The following MYG1 variants were observed in gnomAD, a reference collection of about 807,000 sequenced individuals.
The protein encoded by MYG1 is UPF0160 protein MYG1, mitochondrial.
In MYG1, 36 loss-of-function variants were observed where a neutral mutation model predicts 43.5. The ratio of observed to expected loss-of-function variants is 0.83; its 90% CI spans 0.63 to 1.09. The LOEUF (loss-of-function observed/expected upper bound fraction) is 1.09, where lower values mean the gene tolerates loss of function less well. Among genes scored for constraint, MYG1 ranks in the 50% least tolerant of loss-of-function variants. The probability of loss-of-function intolerance (pLI) is 0.00; values close to 1 mark genes in which losing one functional copy is unlikely to be tolerated. For missense variants in MYG1, 529 were observed against 495.1 expected (o/e 1.07, Z -0.65); for synonymous variants, 220 against 202.8 (o/e 1.08, Z -0.72).
At position 53,306,758 on chromosome 12, in the gene MYG1, G is replaced by C; in HGVS notation, c.844G>C (p.Gly282Arg). 6.2e-7 allele frequency: 1 copy of C among 1,614,192 alleles called. No individual in the cohort carries two copies. Among genetic ancestry groups the C allele is most frequent in the Non-Finnish European group, 8.5e-7 (1 of 1,180,028 alleles). ...GGAGCATCTCTACCACCTGGAATCT[G>C]GGCTGTCCCCTCCAGTGGCCATCTT... ...WKEHLYHLES[G>R]LSPPVAIFFV... The change falls in exon 6 of 7, where the codon GGG becomes CGG. Residue 282 changes from glycine (G) to arginine (R), a missense_variant. Coordinates refer to ENST00000267103, the MANE Select transcript of MYG1 (RefSeq NM_021640.4).
chr12:53,306,977 C>T lies in MYG1; in HGVS notation c.959C>T (p.Pro320Leu). 1 of 1,613,682 alleles carries T rather than the reference C, an allele frequency of 6.2e-7. No individual in the cohort carries two copies. Among genetic ancestry groups the T allele is most frequent in the Non-Finnish European group, 8.5e-7 (1 of 1,179,736 alleles). The part of the protein sequence containing the change: ...PHSFQSRLPL[P>L]EPWRGLRDEA... ...CTCTTTCTGCCCAGGCTGCCCCTGC[C>T]AGAGCCATGGCGGGGTCTTCGGGAC... is the stretch of plus-strand genomic sequence containing the variant. The change falls in exon 7 of 7, where the codon CCA (proline) becomes CTA (leucine). Residue 320 changes from proline to leucine, a missense_variant. Transcript: ENST00000267103.
Position 53,306,855 on chromosome 12 carries a change from A to C in MYG1, c.941A>C (p.Gln314Pro), listed in dbSNP as rs1422674845. The stretch of plus-strand genomic sequence containing the variant: ...GTGCCCAAGGAGCCCCACTCATTCC[A>C]AAGCCGGTGAGGCCCTAGGGAACCA... ...QCVPKEPHSF[Q>P]SRLPLPEPWR... The change falls in exon 6 of 7, where the codon CAA becomes CCA. Residue 314 changes from glutamine (Q) to proline (P), a missense_variant. By Grantham distance (76) the Gln-to-Pro change is moderately conservative (BLOSUM62 -1). Transcript: ENST00000267103. 6.2e-7 allele frequency: 1 copy of C among 1,612,966 alleles called. No homozygotes were observed. The highest frequency in any genetic ancestry group is 1.1e-5 in the South Asian group (1 of 90,936).
chr12:53,300,114 C>T, intron 1 of MYG1, 36 bp from the exon 2 acceptor site: 3 of 1,559,126 alleles, frequency 1.9e-6, no homozygotes, highest in East Asian at 2.3e-5. Context: ...TACCCGGCGA[C>T]ACCCGGCAGC....
At chr12:53,300,024 C>T (rs1944213512) in intron 1 of MYG1, 71 bp downstream of exon 1, 3 of 1,582,472 alleles carry the variant, frequency 1.9e-6, no homozygotes, top group African/African-American at 1.3e-5. Flanking sequence ...ATTCCGCCAA[C>T]AGGGTCACTC....
chr12:53,302,299 TAATA>T (rs771224738), intron 2 of MYG1, among the ~76,000 whole-genome samples: 1 of 152,224 alleles, frequency 6.6e-6, no homozygotes, highest in Non-Finnish European at 1.5e-5. Flanking sequence ...CAATATTTAA[TAATA>T]AAAGTCAGTT....
At chr12:53,302,622 C>T (rs540868438) in intron 2 of MYG1, among the ~76,000 whole-genome samples, 8 of 152,318 alleles carry the variant, frequency 5.3e-5, no homozygotes, top group Non-Finnish European at 1.2e-4. Context: ...TTGCCATTCA[C>T]TTCTCACACC....
chr12:53,301,861 G>A (rs991294040), intron 2 of MYG1, among the ~76,000 whole-genome samples: 1 of 152,030 alleles, frequency 6.6e-6, no homozygotes, highest in Non-Finnish European at 1.5e-5. Context: ...ATTTTTAGGA[G>A]AGACAGTGTT....
chr12:53,306,017 C>T lies in MYG1; in HGVS notation c.599C>T (p.Ala200Val), dbSNP rs1430300376. 1 of 1,614,046 alleles carries T rather than the reference C, an allele frequency of 6.2e-7. No homozygotes were observed. Among genetic ancestry groups the T allele is most frequent in the Non-Finnish European group, 8.5e-7 (1 of 1,179,984 alleles). The change falls in exon 4 of 7, where the codon GCT (alanine) becomes GTT (valine). Residue 200 changes from alanine to valine, a missense_variant. Transcript: ENST00000267103. ...ACCACTACCCTGAGTGCACGAGTTG[C>T]TCGACTTAATCCTACCTGGAACCAC... is the stretch of plus-strand genomic sequence containing the variant. Reference protein sequence around the residue: ...ALTTTLSARVARLNPTWNHPD... With the variant: ...ALTTTLSARVVRLNPTWNHPD...
chr12:53,306,665 C>T lies in MYG1; in HGVS notation c.766-15C>T, dbSNP rs1464306838. ...GCCTACCTTAAACCTTCTAGCTATG[C>T]TCTCCCTCTTTCAGGTGGACCCAAG... On this transcript the variant is annotated splice_polypyrimidine_tract_variant and intron_variant, in intron 5 of 6. Transcript: ENST00000267103. 1.2e-6 allele frequency: 2 copies of T among 1,608,172 alleles called. No individual in the cohort carries two copies. Among genetic ancestry groups the T allele is most frequent in the Non-Finnish European group, 1.7e-6 (2 of 1,176,936 alleles).
chr12:53,303,152 A>G lies in MYG1; in HGVS notation c.448A>G (p.Thr150Ala). The change falls in exon 3 of 7, where the codon ACT (threonine) becomes GCT (alanine). Residue 150 changes from threonine to alanine, a missense_variant. By Grantham distance (58) the Thr-to-Ala change is moderately conservative. Coordinates refer to ENST00000267103, the MANE Select transcript of MYG1 (RefSeq NM_021640.4). ...CAAGCTGCTGGCCCAGTTGCTGGGC[A>G]CTAGTGAAGAGGACAGCATGGTGGG... ...GHKLLAQLLG[T>A]SEEDSMVGTL... is the part of the protein sequence containing the mutation. The G allele has an allele frequency of 2.5e-6, 4 of 1,614,192 alleles. No homozygotes were observed. Among genetic ancestry groups the G allele is most frequent in the South Asian group, 1.1e-5 (1 of 91,088 alleles).
At position 53,306,762 on chromosome 12, in the gene MYG1, T is replaced by C; in HGVS notation, c.848T>C (p.Leu283Pro). 1 of 1,614,252 alleles carries C rather than the reference T, an allele frequency of 6.2e-7. No homozygotes were observed. Among genetic ancestry groups the C allele is most frequent in the African/African-American group, 1.3e-5 (1 of 75,070 alleles). The change falls in exon 6 of 7, where the codon CTG becomes CCG. Residue 283 changes from leucine (L) to proline (P), a missense_variant. Physicochemically the swap from Leu to Pro is moderately conservative, Grantham distance 98. Coordinates refer to ENST00000267103, the MANE Select transcript of MYG1 (RefSeq NM_021640.4). ...KEHLYHLESGLSPPVAIFFVI... is the reference protein window; with the variant it reads ...KEHLYHLESGPSPPVAIFFVI... ...CATCTCTACCACCTGGAATCTGGGCTGTCCCCTCCAGTGGCCATCTTCTTT... is the reference window on the plus strand; with the variant it reads ...CATCTCTACCACCTGGAATCTGGGCCGTCCCCTCCAGTGGCCATCTTCTTT...
rs185366015 is a variant in MYG1 at position 53,300,633 on chromosome 12, G to T, written c.329+371G>T. On this transcript the variant is annotated intron_variant, in intron 2 of 6. Coordinates refer to ENST00000267103, the MANE Select transcript of MYG1 (RefSeq NM_021640.4). ...CACATGATTGTGGCAGTTGGTGACA[G>T]TTCAGATGTGTGAAGTTTTCTACTT... 2.5e-3 allele frequency among the ~76,000 whole-genome samples: 384 copies of T among 152,348 alleles called. 1 individual carries two copies. Among genetic ancestry groups the T allele is most frequent in the Middle Eastern group, 0.01 (3 of 294 alleles).
intron 2 of MYG1, among the ~76,000 whole-genome samples, chr12:53,301,129 G>A (rs1944229289): frequency 2.0e-5 from 3 of 152,076 alleles, no homozygotes; most frequent in Admixed American, 2.0e-4. Flanking sequence ...ATATTGGCCA[G>A]AGTGGTCTCG....
At chr12:53,304,873 T>TTTG (rs1944260076) in intron 3 of MYG1, among the ~76,000 whole-genome samples, 1 of 144,212 alleles carries the variant, frequency 6.9e-6, no homozygotes, top group African/African-American at 2.6e-5. Context: ...TTTTTTTTTT[T>TTTG]TTTTTTTTTT....
At chr12:53,300,338 C>A in intron 2 of MYG1, 76 bp downstream of exon 2, 1 of 1,104,892 alleles carries the variant, frequency 9.1e-7, no homozygotes, top group Non-Finnish European at 1.3e-6. Flanking sequence ...CCATCCACTG[C>A]CGTAGTCCGC....
In MYG1 at chr12:53,306,980, A is replaced by G; in HGVS notation, c.962A>G (p.Glu321Gly). The change falls in exon 7 of 7, where the codon GAG (glutamate) becomes GGG (glycine). Residue 321 changes from glutamate to glycine, a missense_variant. Coordinates refer to ENST00000267103, the MANE Select transcript of MYG1 (RefSeq NM_021640.4). ...TTTCTGCCCAGGCTGCCCCTGCCAG[A>G]GCCATGGCGGGGTCTTCGGGACGAG... ...HSFQSRLPLP[E>G]PWRGLRDEAL... The G allele has an allele frequency of 1.2e-6, 2 of 1,613,758 alleles. No homozygotes were observed. The highest frequency in any genetic ancestry group is 1.7e-6 in the Non-Finnish European group (2 of 1,179,792).
At chr12:53,303,530 G>A (rs1944246467) in intron 3 of MYG1, 1 of 215,804 alleles carries the variant, frequency 4.6e-6, no homozygotes, top group Non-Finnish European at 9.2e-6. Flanking sequence ...GCTTATGTGT[G>A]GAAGCAGATG....
chr12:53,306,069 G>T lies in MYG1; in HGVS notation c.642+9G>T. On this transcript the variant is annotated intron_variant, in intron 4 of 6. Coordinates refer to ENST00000267103, the MANE Select transcript of MYG1 (RefSeq NM_021640.4). ...CCGACCAAGACACTGAGGTAAGGTGGCCTGGGAGGAGACCCGGAGACCTGT... is the reference window on the plus strand; with the variant it reads ...CCGACCAAGACACTGAGGTAAGGTGTCCTGGGAGGAGACCCGGAGACCTGT... 6.2e-7 allele frequency: 1 copy of T among 1,612,038 alleles called. No individual in the cohort carries two copies. Among genetic ancestry groups the T allele is most frequent in the Non-Finnish European group, 8.5e-7 (1 of 1,178,928 alleles).
chr12:53,306,501 A>T, intron 5 of MYG1, 179 bp from the exon 6 acceptor site: 2 of 1,065,856 alleles, frequency 1.9e-6, no homozygotes, highest in Non-Finnish European at 2.7e-6. Flanking sequence ...ACACCACCTC[A>T]CCCAGCTAAT....
Sources: gnomAD v4.1 joint callset for allele counts (sites outside exome capture counted in the v4.1 genomes callset) on GRCh38, gnomAD v4.1.1 for gene constraint, MANE v1.5 for transcripts, NCBI Gene and HGNC (gene_info 2026-07-23, HGNC 2026-07-21) for gene names.